Variants in TDRD5 observed in about 807,000 individuals in gnomAD.
TDRD5 encodes tudor domain-containing protein 5.
A neutral mutation model predicts 120.6 loss-of-function variants in TDRD5; 41 were observed. The observed-to-expected ratio is 0.34, with a 90% CI of 0.26 to 0.44. The LOEUF (loss-of-function observed/expected upper bound fraction) is 0.44, where lower values mean the gene tolerates loss of function less well. TDRD5 is among the 20% of genes least tolerant of loss of function. TDRD5 has a pLI of 1.00. For synonymous variants in TDRD5, 430 were observed against 433.7 expected (o/e 0.99, Z 0.11); for missense variants, 1,006 against 1,221.2 (o/e 0.82, Z 2.63).
intron 4 of TDRD5, among the ~76,000 whole-genome samples, chr1:179,608,295 GCTT>G (rs1676095700): frequency 6.6e-6 from 1 of 151,588 alleles, no homozygotes; most frequent in African/African-American, 2.4e-5. Flanking sequence ...GATTCATTGA[GCTT>G]CTTATATCAT....
chr1:179,649,723 G>A (rs2102058342), intron 11 of TDRD5, among the ~76,000 whole-genome samples: 1 of 152,092 alleles, frequency 6.6e-6, no homozygotes. Flanking sequence ...TTGTTATATT[G>A]TTTCTGTTCT....
intron 11 of TDRD5, among the ~76,000 whole-genome samples, chr1:179,648,517 C>T (rs993553926): frequency 6.9e-6 from 1 of 145,570 alleles, no homozygotes; most frequent in Non-Finnish European, 1.5e-5. Context: ...GTGGATGCGG[C>T]GCACCAGCAT....
At chr1:179,643,433 G>A (rs777553410) in intron 11 of TDRD5, among the ~76,000 whole-genome samples, 6 of 152,174 alleles carry the variant, frequency 3.9e-5, no homozygotes, top group Non-Finnish European at 8.8e-5. Context: ...AGACTTTAAA[G>A]CAGCTATTGT....
intron 4 of TDRD5, among the ~76,000 whole-genome samples, chr1:179,601,423 A>G (rs1675706914): frequency 6.6e-6 from 1 of 151,692 alleles, no homozygotes; most frequent in Non-Finnish European, 1.5e-5. Context: ...CCCCCTTCCT[A>G]CCCTTCCCCT....
intron 4 of TDRD5, among the ~76,000 whole-genome samples, chr1:179,607,352 A>G (rs954396428): frequency 1.3e-5 from 2 of 152,106 alleles, no homozygotes; most frequent in Non-Finnish European, 2.9e-5. Flanking sequence ...TTCTACATAG[A>G]TGATGTGATC....
intron 16 of TDRD5, among the ~76,000 whole-genome samples, chr1:179,667,893 G>A (rs1679636231): frequency 6.6e-6 from 1 of 152,148 alleles, no homozygotes; most frequent in Non-Finnish European, 1.5e-5. Context: ...GCCACAGAAG[G>A]AACATTTGCT....
chr1:179,623,625 C>CTTTTTTTTTTTTTTTTTTTTTTTTTTTTT (rs11428251), intron 6 of TDRD5, among the ~76,000 whole-genome samples: 3 of 97,908 alleles, frequency 3.1e-5, no homozygotes, highest in Non-Finnish European at 3.8e-5. Flanking sequence ...CCAACTCATT[C>CTTTTTTTTTTTTTTTTTTTTTTTTTTTTT]TTTTTTTTTT....
At chr1:179,648,452 T>TGGGGGGG (rs754051680) in intron 11 of TDRD5, among the ~76,000 whole-genome samples, 13 of 37,278 alleles carry the variant, frequency 3.5e-4, no homozygotes, top group African/African-American at 4.8e-4. Flanking sequence ...TGTTGTGGGG[T>TGGGGGGG]GGGGGGGGGG....
intron 17 of TDRD5, among the ~76,000 whole-genome samples, chr1:179,673,536 A>G (rs971996031): frequency 1.3e-5 from 2 of 152,228 alleles, no homozygotes; most frequent in African/African-American, 2.4e-5. Flanking sequence ...GAGACATGAG[A>G]CATCAATCAA....
At chr1:179,673,539 T>TCAATCAATA (rs1679964249) in intron 17 of TDRD5, among the ~76,000 whole-genome samples, 1 of 152,152 alleles carries the variant, frequency 6.6e-6, no homozygotes, top group African/African-American at 2.4e-5. Context: ...ACATGAGACA[T>TCAATCAATA]CAATCAATAT....
chr1:179,669,375 A>T lies in TDRD5; in HGVS notation c.2831A>T (p.Asp944Val), dbSNP rs753158427. 6.2e-7 allele frequency: 1 copy of T among 1,614,190 alleles called. No individual in the cohort carries two copies. Among genetic ancestry groups the T allele is most frequent in the Admixed American group, 1.7e-5 (1 of 60,030 alleles). ...GCACCCTGTTCAACAACTGCAGTGG[A>T]TGATTCCGCAGAAAAGCCCTCTGGT... ...TAAPCSTTAVDDSAEKPSGSV... is the reference protein window; with the variant it reads ...TAAPCSTTAVVDSAEKPSGSV... The change falls in exon 17 of 18, where the codon GAT (aspartate) becomes GTT (valine). Residue 944 changes from aspartate (D) to valine (V), a missense_variant. Coordinates refer to ENST00000444136, the MANE Select transcript of TDRD5 (RefSeq NM_001199085.3).
At chr1:179,652,298 G>T in intron 13 of TDRD5, 101 bp downstream of exon 13, 1 of 1,226,138 alleles carries the variant, frequency 8.2e-7, no homozygotes, top group African/African-American at 1.6e-5. Context: ...GGAAAGTTTG[G>T]AAATTTTGCA....
intron 14 of TDRD5, among the ~76,000 whole-genome samples, chr1:179,659,754 A>G (rs1315808767): frequency 6.6e-6 from 1 of 151,498 alleles, no homozygotes; most frequent in East Asian, 1.9e-4. Flanking sequence ...CTGGAGTGCA[A>G]TGGCATGATC....
intron 4 of TDRD5, among the ~76,000 whole-genome samples, chr1:179,606,876 G>A (rs538713840): frequency 4.1e-4 from 62 of 152,178 alleles, no homozygotes; most frequent in Non-Finnish European, 3.2e-4. Flanking sequence ...GTTGGGTAGT[G>A]TCAATCCTCT....
intron 11 of TDRD5, among the ~76,000 whole-genome samples, chr1:179,647,104 A>C (rs965200915): frequency 6.7e-6 from 1 of 149,674 alleles, no homozygotes; most frequent in Admixed American, 6.7e-5. Flanking sequence ...AAACTACTTT[A>C]AAGTTCATAT....
At chr1:179,667,368 G>A (rs1204447185) in intron 16 of TDRD5, among the ~76,000 whole-genome samples, 3 of 152,152 alleles carry the variant, frequency 2.0e-5, no homozygotes, top group Non-Finnish European at 2.9e-5. Context: ...TTTTAAAAAT[G>A]TTTCTGTATA....
intron 4 of TDRD5, among the ~76,000 whole-genome samples, chr1:179,596,750 C>A (rs1040081209): frequency 5.9e-5 from 9 of 152,132 alleles, no homozygotes; most frequent in African/African-American, 2.2e-4. Flanking sequence ...CTCTTTGGTC[C>A]TTTACTTATA....
chr1:179,598,295 A>G (rs952778238), intron 4 of TDRD5, among the ~76,000 whole-genome samples: 57 of 152,226 alleles, frequency 3.7e-4, no homozygotes, highest in African/African-American at 1.3e-3. Flanking sequence ...ACTGTAGTTA[A>G]GTCTTGCAAC....
chr1:179,672,332 A>T (rs1407672667), intron 17 of TDRD5, among the ~76,000 whole-genome samples: 1 of 151,986 alleles, frequency 6.6e-6, no homozygotes, highest in Non-Finnish European at 1.5e-5. Flanking sequence ...GTGGTATCAC[A>T]TTGTGGTTTT....
Sources: gnomAD v4.1 joint callset for allele counts (sites outside exome capture counted in the v4.1 genomes callset) on GRCh38, gnomAD v4.1.1 for gene constraint, MANE v1.5 for transcripts, NCBI Gene and HGNC (gene_info 2026-07-23, HGNC 2026-07-21) for gene names.